ENOX1: variants seen among roughly 807,000 people sequenced by gnomAD.
ENOX1 encodes the protein candidate growth-related and time keeping constitutive hydroquinone (NADH) oxidase.
In ENOX1, 42 loss-of-function variants were observed where a neutral mutation model predicts 82.5. That is an observed-to-expected ratio of 0.51 (90% CI 0.40 to 0.66). The LOEUF (loss-of-function observed/expected upper bound fraction) is 0.66, where lower values mean the gene tolerates loss of function less well. ENOX1 is among the 30% of genes least tolerant of loss of function. The pLI, the probability that ENOX1 is intolerant of heterozygous loss-of-function variation, is 0.00. For missense variants in ENOX1, 608 were observed against 811.6 expected (o/e 0.75, Z 3.05); for synonymous variants, 271 against 282.2 (o/e 0.96, Z 0.40).
chr13:43,630,098 C>T (rs1326456766), intron 2 of ENOX1, among the ~76,000 whole-genome samples: 1 of 152,164 alleles, frequency 6.6e-6, no homozygotes, highest in East Asian at 1.9e-4. Context: ...CCTAATCCCA[C>T]CATTCTCACC....
chr13:43,390,684 AT>A (rs1358238742), intron 5 of ENOX1, among the ~76,000 whole-genome samples: 2 of 152,154 alleles, frequency 1.3e-5, no homozygotes, highest in Non-Finnish European at 2.9e-5. Context: ...GTGTACTGTC[AT>A]ATCCTAATTG....
chr13:43,592,074 C>T (rs2081271516), intron 2 of ENOX1, among the ~76,000 whole-genome samples: 1 of 152,164 alleles, frequency 6.6e-6, no homozygotes, highest in African/African-American at 2.4e-5. Flanking sequence ...GATCACAATG[C>T]TTTCTCTATA....
intron 2 of ENOX1, among the ~76,000 whole-genome samples, chr13:43,601,110 C>T (rs971249147): frequency 2.0e-5 from 3 of 152,094 alleles, no homozygotes; most frequent in African/African-American, 7.2e-5. Flanking sequence ...ACACCTAACT[C>T]TTCAATGACA....
At chr13:43,447,156 T>A (rs2056693521) in intron 3 of ENOX1, among the ~76,000 whole-genome samples, 3 of 152,214 alleles carry the variant, frequency 2.0e-5, no homozygotes, top group Admixed American at 2.0e-4. Context: ...AATAACACAT[T>A]GCAAATGTTG....
At chr13:43,384,575 A>G (rs2052285758) in intron 5 of ENOX1, among the ~76,000 whole-genome samples, 1 of 152,324 alleles carries the variant, frequency 6.6e-6, no homozygotes, top group Admixed American at 6.5e-5. Context: ...GGCTGAGACA[A>G]ACATTTCTGA....
intron 1 of ENOX1, among the ~76,000 whole-genome samples, chr13:43,756,675 C>G (rs1450325902): frequency 6.6e-6 from 1 of 151,994 alleles, no homozygotes; most frequent in Non-Finnish European, 1.5e-5. Context: ...TCTCCAGTGC[C>G]TAGTACTTAG....
chr13:43,783,479 A>G (rs78523885), intron 1 of ENOX1, among the ~76,000 whole-genome samples: 1 of 152,220 alleles, frequency 6.6e-6, no homozygotes, highest in Non-Finnish European at 1.5e-5. Context: ...AGGGGAAGAC[A>G]TCCTGAGACT....
chr13:43,697,796 C>T (rs547029371), intron 1 of ENOX1, among the ~76,000 whole-genome samples: 1 of 152,254 alleles, frequency 6.6e-6, no homozygotes, highest in Non-Finnish European at 1.5e-5. Context: ...CTCTACCTCC[C>T]CTCTGTCAAC....
intron 9 of ENOX1, among the ~76,000 whole-genome samples, chr13:43,344,243 C>T (rs934070409): frequency 6.6e-6 from 1 of 152,174 alleles, no homozygotes; most frequent in Non-Finnish European, 1.5e-5. Flanking sequence ...TGATATGAAC[C>T]ATGGTGGGTC....
At chr13:43,770,335 G>A (rs1951515406) in intron 1 of ENOX1, among the ~76,000 whole-genome samples, 1 of 152,214 alleles carries the variant, frequency 6.6e-6, no homozygotes, top group South Asian at 2.1e-4. Context: ...TCTCTGGAAA[G>A]TTAATGTGCT....
chr13:43,361,175 G>T, intron 6 of ENOX1, 104 bp downstream of exon 6: 2 of 1,181,866 alleles, frequency 1.7e-6, no homozygotes, highest in Non-Finnish European at 2.4e-6. Flanking sequence ...CCCACTCTGT[G>T]CATTTACGTG....
chr13:43,722,142 CA>C (rs1454887509), intron 1 of ENOX1, among the ~76,000 whole-genome samples: 1 of 152,018 alleles, frequency 6.6e-6, no homozygotes, highest in Non-Finnish European at 1.5e-5. Context: ...TTCTTTTTTG[CA>C]AAATAGGGAT....
intron 1 of ENOX1, among the ~76,000 whole-genome samples, chr13:43,699,850 A>G (rs777429197): frequency 2.0e-5 from 3 of 152,268 alleles, no homozygotes; most frequent in Non-Finnish European, 4.4e-5. Context: ...ATTTTTGGGG[A>G]ATATGTGATA....
chr13:43,714,511 G>T (rs2087971111), intron 1 of ENOX1, among the ~76,000 whole-genome samples: 1 of 152,096 alleles, frequency 6.6e-6, no homozygotes, highest in South Asian at 2.1e-4. Flanking sequence ...GTTGACAGTG[G>T]GGTGTTAAAG....
At chr13:43,543,010 C>T (rs1483859619) in intron 2 of ENOX1, among the ~76,000 whole-genome samples, 1 of 152,142 alleles carries the variant, frequency 6.6e-6, no homozygotes, top group Admixed American at 6.5e-5. Flanking sequence ...GCCCTACCAC[C>T]TAATACCATC....
intron 2 of ENOX1, among the ~76,000 whole-genome samples, chr13:43,605,406 A>G (rs1401151330): frequency 1.3e-5 from 2 of 152,208 alleles, no homozygotes; most frequent in Non-Finnish European, 2.9e-5. Context: ...CTGACTTCAA[A>G]TTATACTATA....
intron 14 of ENOX1, among the ~76,000 whole-genome samples, chr13:43,249,367 A>G (rs533496624): frequency 1.3e-5 from 2 of 152,334 alleles, no homozygotes; most frequent in South Asian, 2.1e-4. Context: ...CACGCCCTTC[A>G]CAGTCTGAAA....
chr13:43,317,866 G>A (rs572907999), intron 11 of ENOX1, among the ~76,000 whole-genome samples: 20 of 152,108 alleles, frequency 1.3e-4, no homozygotes, highest in African/African-American at 2.7e-4. Flanking sequence ...TTAGCCAGGC[G>A]TGGTGGCGGG....
intron 1 of ENOX1, among the ~76,000 whole-genome samples, chr13:43,775,154 CT>C (rs988756385): frequency 1.3e-5 from 2 of 151,936 alleles, no homozygotes; most frequent in Non-Finnish European, 2.9e-5. Context: ...AACCTTTTTT[CT>C]TTTTTTAGAG....
Sources: allele counts gnomAD v4.1 joint callset (sites outside exome capture counted in the v4.1 genomes callset), GRCh38; gene constraint gnomAD v4.1.1; transcripts MANE v1.5; gene names NCBI Gene and HGNC (gene_info 2026-07-23, HGNC 2026-07-21).